The following TASP1 variants were observed in gnomAD, a reference collection of about 807,000 sequenced individuals.
The protein encoded by TASP1 is taspase 1.
TASP1 carries 16 observed loss-of-function variants against 56.6 expected under a neutral mutation model. The ratio of observed to expected loss-of-function variants is 0.28; its 90% confidence interval spans 0.19 to 0.43. TASP1 has a LOEUF of 0.43. Among genes scored for constraint, TASP1 ranks in the 20% least tolerant of loss-of-function variants. TASP1 has a pLI of 1.00. For missense variants in TASP1, 393 were observed against 511.6 expected, an observed-to-expected ratio of 0.77 and a Z score of 2.24; for synonymous variants, 179 against 184.2, an observed-to-expected ratio of 0.97 and a Z score of 0.23.
At chr20:13,324,271 G>C in the TASP1 span, among the ~76,000 whole-genome samples, 1 of 152,214 alleles carries the variant, frequency 6.6e-6, no homozygotes, top group African/African-American at 2.4e-5. Flanking sequence ...AACAGAAGAT[G>C]ACAGCAAGGA....
intron 8 of TASP1, among the ~76,000 whole-genome samples, chr20:13,547,004 C>T (rs1012768279): frequency 2.0e-5 from 3 of 152,142 alleles, no homozygotes; most frequent in African/African-American, 7.2e-5. Flanking sequence ...TGGAAGACTG[C>T]AAAATTTACT....
chr20:13,374,674 C>T, the TASP1 span, among the ~76,000 whole-genome samples: 1 of 152,064 alleles, frequency 6.6e-6, no homozygotes, highest in South Asian at 2.1e-4. Flanking sequence ...TAAAAGTGGA[C>T]ATTTTAGGTA....
chr20:13,232,600 G>C, the TASP1 span, among the ~76,000 whole-genome samples: 1 of 152,154 alleles, frequency 6.6e-6, no homozygotes, highest in Non-Finnish European at 1.5e-5. Flanking sequence ...TCAGGTATAA[G>C]CCTTTGTGTG....
the TASP1 span, among the ~76,000 whole-genome samples, chr20:13,249,382 A>C: frequency 1.3e-5 from 2 of 152,210 alleles, no homozygotes; most frequent in Admixed American, 6.5e-5. Flanking sequence ...CCAGACATGA[A>C]ACACGGGCAG....
At chr20:13,408,148 A>G (rs1242993473) in intron 13 of TASP1, among the ~76,000 whole-genome samples, 3 of 152,150 alleles carry the variant, frequency 2.0e-5, no homozygotes, top group Non-Finnish European at 4.4e-5. Flanking sequence ...CCAAGGACAG[A>G]AAGATTTACT....
the TASP1 span, among the ~76,000 whole-genome samples, chr20:13,280,820 C>A: frequency 6.6e-6 from 1 of 152,254 alleles, no homozygotes; most frequent in Non-Finnish European, 1.5e-5. Flanking sequence ...AAAAGAGGAA[C>A]CCAATTTGGC....
intron 4 of TASP1, among the ~76,000 whole-genome samples, chr20:13,615,507 T>G (rs2048491180): frequency 1.3e-5 from 2 of 150,294 alleles, no homozygotes; most frequent in Admixed American, 6.6e-5. Flanking sequence ...ATCTGGTTTT[T>G]TTTTTTTTTT....
the TASP1 span, among the ~76,000 whole-genome samples, chr20:13,365,758 G>A: frequency 8.2e-4 from 125 of 152,306 alleles, 1 homozygote; most frequent in African/African-American, 2.6e-3. Flanking sequence ...GGTTTATTTC[G>A]ACTGAATGGA....
At chr20:13,417,789 TAAA>T (rs2042307312) in intron 12 of TASP1, among the ~76,000 whole-genome samples, 3 of 152,066 alleles carry the variant, frequency 2.0e-5, no homozygotes, top group Admixed American at 6.6e-5. Context: ...CTTGTAACAT[TAAA>T]TGCACACACA....
At chr20:13,458,215 T>G (rs1398452920) in intron 11 of TASP1, among the ~76,000 whole-genome samples, 1 of 152,020 alleles carries the variant, frequency 6.6e-6, no homozygotes, top group Non-Finnish European at 1.5e-5. Context: ...TTAGAGCCAT[T>G]TGTTAACAAG....
the TASP1 span, among the ~76,000 whole-genome samples, chr20:13,341,456 G>A: frequency 1.5e-3 from 233 of 152,226 alleles, 1 homozygote; most frequent in Non-Finnish European, 2.4e-3. Flanking sequence ...TTGGGATTCA[G>A]CCCTCTTTTC....
intron 11 of TASP1, 141 bp from the exon 12 acceptor site, chr20:13,435,295 T>C (rs1471307832): frequency 1.2e-5 from 8 of 651,814 alleles, no homozygotes; most frequent in Non-Finnish European, 1.9e-5. Context: ...CATACCTCAT[T>C]ATATACTTGA....
chr20:13,582,403 TA>T (rs2047160249), intron 5 of TASP1, among the ~76,000 whole-genome samples: 1 of 151,896 alleles, frequency 6.6e-6, no homozygotes, highest in Admixed American at 6.6e-5. Context: ...TATACATTTA[TA>T]ACACAACTTA....
the TASP1 span, among the ~76,000 whole-genome samples, chr20:13,371,776 G>A: frequency 4.7e-4 from 72 of 152,222 alleles, no homozygotes; most frequent in African/African-American, 1.6e-3. Flanking sequence ...ATGTTGAATT[G>A]TCTGTTTTTC....
chr20:13,488,987 C>A (rs78252859), intron 10 of TASP1, among the ~76,000 whole-genome samples: 1,555 of 152,258 alleles, frequency 0.01, 28 homozygotes, highest in African/African-American at 0.036. Context: ...TGGCAAAAGC[C>A]CACCCTGGAG....
the TASP1 span, among the ~76,000 whole-genome samples, chr20:13,371,216 G>A: frequency 4.6e-5 from 7 of 151,554 alleles, no homozygotes; most frequent in African/African-American, 9.7e-5. Context: ...TTTGAGCTTC[G>A]TTTGCTCTTC....
At chr20:13,419,231 T>C (rs990512579) in intron 12 of TASP1, among the ~76,000 whole-genome samples, 2 of 152,118 alleles carry the variant, frequency 1.3e-5, no homozygotes, top group Admixed American at 1.3e-4. Flanking sequence ...TCTCAAATAG[T>C]TCAGGGAAAA....
intron 7 of TASP1, among the ~76,000 whole-genome samples, chr20:13,560,269 T>G (rs995018027): frequency 6.6e-6 from 1 of 152,128 alleles, no homozygotes; most frequent in Non-Finnish European, 1.5e-5. Context: ...TTGGGTAAAA[T>G]ATTTAAAATA....
chr20:13,435,305 AT>A, intron 11 of TASP1, 151 bp from the exon 12 acceptor site: 2 of 634,300 alleles, frequency 3.2e-6, no homozygotes, highest in South Asian at 4.3e-5. Flanking sequence ...TATATACTTG[AT>A]GGCAAAGGCA....
Sources: gnomAD v4.1 joint callset for allele counts (sites outside exome capture counted in the v4.1 genomes callset) on GRCh38, gnomAD v4.1.1 for gene constraint, MANE v1.5 for transcripts, NCBI Gene and HGNC (gene_info 2026-07-23, HGNC 2026-07-21) for gene names.